RARB: variants seen among roughly 807,000 people sequenced by gnomAD.
RARB encodes the protein retinoic acid receptor beta.
RARB carries 17 observed loss-of-function variants against 51.9 expected under a neutral mutation model. That is an observed-to-expected ratio of 0.33 (90% CI 0.22 to 0.49). The LOEUF (loss-of-function observed/expected upper bound fraction) is 0.49, where lower values mean the gene tolerates loss of function less well. Among genes scored for constraint, RARB ranks in the 20% least tolerant of loss-of-function variants. The pLI is 0.99. For synonymous variants in RARB, 215 were observed against 195.4 expected (o/e 1.10, Z -0.84); for missense variants, 369 against 550.8 (o/e 0.67, Z 3.30).
chr3:25,207,793 G>A (rs140094474), intron 5 of RARB, among the ~76,000 whole-genome samples: 3 of 152,318 alleles, frequency 2.0e-5, no homozygotes, highest in Admixed American at 2.0e-4. Flanking sequence ...CAGAGGGATA[G>A]AATGTGTGTT....
intron 2 of RARB, among the ~76,000 whole-genome samples, chr3:24,875,954 G>GT (rs1329911538): frequency 6.6e-6 from 1 of 152,012 alleles, no homozygotes; most frequent in African/African-American, 2.4e-5. Flanking sequence ...TGCTTCTTCA[G>GT]TTTGTTTGGT....
chr3:25,028,182 C>G (rs1272778474), intron 2 of RARB, among the ~76,000 whole-genome samples: 1 of 152,176 alleles, frequency 6.6e-6, no homozygotes, highest in Non-Finnish European at 1.5e-5. Context: ...CTCCTGGAAA[C>G]TCATTAGAAT....
At chr3:25,138,146 T>TA (rs1277468465) in intron 4 of RARB, among the ~76,000 whole-genome samples, 1 of 152,124 alleles carries the variant, frequency 6.6e-6, no homozygotes, top group Admixed American at 6.6e-5. Context: ...AGCCTGCATT[T>TA]AAAGCAATTC....
At chr3:24,874,299 A>C (rs12715063) in intron 2 of RARB, among the ~76,000 whole-genome samples, 1 of 151,862 alleles carries the variant, frequency 6.6e-6, no homozygotes, top group South Asian at 2.1e-4. Context: ...TGTATGAAAT[A>C]TATACTGTTT....
intron 1 of RARB, chr3:25,441,349 G>T: frequency 5.8e-6 from 2 of 347,538 alleles, no homozygotes; most frequent in South Asian, 5.4e-5. Context: ...GGAAGTTTGC[G>T]AATCAGTTCA....
At chr3:25,441,510 T>G (rs1708683594) in intron 1 of RARB, 1 of 163,890 alleles carries the variant, frequency 6.1e-6, no homozygotes, top group Non-Finnish European at 1.3e-5. Context: ...GGTTGGATTT[T>G]CGAGTAGTGT....
intron 1 of RARB, among the ~76,000 whole-genome samples, chr3:24,836,430 A>T (rs1276345439): frequency 6.6e-6 from 1 of 152,230 alleles, no homozygotes; most frequent in African/African-American, 2.4e-5. Context: ...GTCAAAAAAC[A>T]TGAGAGTATT....
At chr3:25,274,754 C>T (rs549401640) in intron 5 of RARB, among the ~76,000 whole-genome samples, 4 of 152,180 alleles carry the variant, frequency 2.6e-5, no homozygotes, top group African/African-American at 7.2e-5. Flanking sequence ...GCAGCTGCCT[C>T]TTTATATAGT....
At chr3:25,042,416 C>G (rs1415807450) in intron 2 of RARB, among the ~76,000 whole-genome samples, 1 of 152,180 alleles carries the variant, frequency 6.6e-6, no homozygotes, top group Non-Finnish European at 1.5e-5. Context: ...GCTCTAAGTG[C>G]TTTAACACCC....
chr3:25,487,815 A>G (rs1458995889), intron 2 of RARB, among the ~76,000 whole-genome samples: 2 of 152,182 alleles, frequency 1.3e-5, no homozygotes, highest in African/African-American at 4.8e-5. Context: ...TCTAATGCTC[A>G]CTAAGGCGTC....
intron 2 of RARB, among the ~76,000 whole-genome samples, chr3:24,923,354 AT>A (rs1695257248): frequency 6.6e-6 from 1 of 152,060 alleles, no homozygotes; most frequent in African/African-American, 2.4e-5. Flanking sequence ...TTAATTTGGG[AT>A]TTGGCATAAT....
At chr3:25,585,250 G>A (rs970310784) in intron 5 of RARB, among the ~76,000 whole-genome samples, 1 of 152,038 alleles carries the variant, frequency 6.6e-6, no homozygotes, top group Non-Finnish European at 1.5e-5. Flanking sequence ...AGTTATGTTC[G>A]GTATTATTGT....
intron 2 of RARB, among the ~76,000 whole-genome samples, chr3:25,018,330 T>TGGAGA (rs1697558741): frequency 2.0e-5 from 3 of 152,196 alleles, no homozygotes; most frequent in African/African-American, 7.2e-5. Flanking sequence ...TAAAGCAGTA[T>TGGAGA]AATCATTCTT....
intron 5 of RARB, among the ~76,000 whole-genome samples, chr3:25,308,625 T>A (rs1189248862): frequency 6.6e-6 from 1 of 152,080 alleles, no homozygotes; most frequent in African/African-American, 2.4e-5. Context: ...ATTTTTGTAT[T>A]TTTAGTAGGA....
chr3:25,460,266 C>A (rs963544728), intron 1 of RARB, among the ~76,000 whole-genome samples: 6 of 151,994 alleles, frequency 3.9e-5, no homozygotes, highest in Non-Finnish European at 8.8e-5. Context: ...GATGCCGATG[C>A]ATGTTGGCCC....
At chr3:25,215,673 C>A (rs1701817921) in intron 5 of RARB, among the ~76,000 whole-genome samples, 1 of 152,118 alleles carries the variant, frequency 6.6e-6, no homozygotes, top group South Asian at 2.1e-4. Context: ...TGATTTGAAA[C>A]CAGCCTTTCC....
chr3:25,511,814 G>GA lies in RARB; in HGVS notation c.448+10493dup. 1.3e-5 allele frequency among the ~76,000 whole-genome samples: 2 copies of GA among 152,288 alleles called. 1 individual carries two copies. The highest frequency in any genetic ancestry group is 2.9e-5 in the Non-Finnish European group (2 of 68,018). On this transcript the variant is annotated intron_variant, in intron 3 of 7. Transcript: ENST00000330688. ...AACTCTGTGCACAACTTGAGGATGG[G>GA]AAGGAGGGTCTTGCTTTTTTGCATC...
intron 2 of RARB, among the ~76,000 whole-genome samples, chr3:25,479,620 G>A (rs1016316728): frequency 6.6e-6 from 1 of 152,200 alleles, no homozygotes; most frequent in Non-Finnish European, 1.5e-5. Flanking sequence ...GTTTTTGACA[G>A]CTCTGAATTG....
intron 5 of RARB, among the ~76,000 whole-genome samples, chr3:25,360,583 A>G (rs957734751): frequency 6.6e-6 from 1 of 152,050 alleles, no homozygotes; most frequent in Non-Finnish European, 1.5e-5. Flanking sequence ...TGGTCTTTAC[A>G]TTTTGGTTTG....
Sources: gnomAD v4.1 joint callset for allele counts (sites outside exome capture counted in the v4.1 genomes callset) on GRCh38, gnomAD v4.1.1 for gene constraint, MANE v1.5 for transcripts, NCBI Gene and HGNC (gene_info 2026-07-23, HGNC 2026-07-21) for gene names.